Variants in GLRA2 observed in about 807,000 individuals in gnomAD.
The protein encoded by GLRA2 is glycine receptor alpha 2, also known as glycine receptor subunit alpha-2.
GLRA2 carries 11 observed loss-of-function variants against 31.6 expected under a neutral mutation model. That is an observed-to-expected ratio of 0.35 (90% CI 0.22 to 0.58). The LOEUF (loss-of-function observed/expected upper bound fraction) is 0.58, where lower values mean the gene tolerates loss of function less well. Ranked by LOEUF, GLRA2 falls within the 20% of genes least tolerant of loss-of-function variation. The probability of loss-of-function intolerance (pLI) is 0.84; values close to 1 mark genes in which losing one functional copy is unlikely to be tolerated. For synonymous variants in GLRA2, 132 were observed against 134.0 expected (o/e 0.99, Z 0.10); for missense variants, 212 against 351.8 (o/e 0.60, Z 3.18).
At position 14,581,366 on chromosome X, in the gene GLRA2, C is replaced by T. The variant is rs1569502066; in HGVS notation, c.454C>T (p.Leu152=). Residue 152 remains leucine, a synonymous_variant, in exon 4 of 9, where the codon CTA becomes TTA. Transcript: ENST00000218075. ...FHDVTTDNKL[L]RISKNGKVLY... ...CGATGTCACCACTGACAACAAATTG[C>T]TACGGATTTCGAAAAATGGCAAAGT... 1 of 1,201,143 alleles carries T rather than the reference C, an allele frequency of 8.3e-7. No homozygotes were observed. The highest frequency in any genetic ancestry group is 1.1e-6 in the Non-Finnish European group (1 of 885,860).
intron 4 of GLRA2, among the ~76,000 whole-genome samples, chrX:14,586,715 A>T (rs761954416): frequency 1.8e-5 from 2 of 112,128 alleles, no homozygotes; most frequent in East Asian, 5.6e-4. Context: ...TAATATTGTG[A>T]GTTGGAATAA....
the GLRA2 span, among the ~76,000 whole-genome samples, chrX:14,480,731 T>G: frequency 8.9e-6 from 1 of 111,882 alleles, no homozygotes; most frequent in East Asian, 2.8e-4. Context: ...TCTGTTTTTG[T>G]ACCAGTATCA....
At chrX:14,458,864 C>G in the GLRA2 span, among the ~76,000 whole-genome samples, 1 of 111,751 alleles carries the variant, frequency 8.9e-6, no homozygotes, top group Non-Finnish European at 1.9e-5. Flanking sequence ...TGTGCAGAAG[C>G]TCTTTAGTTT....
the GLRA2 span, among the ~76,000 whole-genome samples, chrX:14,507,097 A>G: frequency 8.9e-6 from 1 of 112,002 alleles, no homozygotes; most frequent in South Asian, 3.8e-4. Context: ...TACCTGACTC[A>G]TGCCCAACTA....
At chrX:14,509,473 C>T in the GLRA2 span, among the ~76,000 whole-genome samples, 51 of 112,508 alleles carry the variant, frequency 4.5e-4, no homozygotes, top group African/African-American at 1.6e-3. Flanking sequence ...TGCCCTGAGG[C>T]GTGGAAGACT....
At chrX:14,599,827 T>C (rs759231021) in intron 4 of GLRA2, among the ~76,000 whole-genome samples, 5 of 111,707 alleles carry the variant, frequency 4.5e-5, no homozygotes, top group African/African-American at 1.6e-4. Context: ...AAAAAATAAG[T>C]AGCGGGAAAA....
intron 7 of GLRA2, among the ~76,000 whole-genome samples, chrX:14,657,302 A>C (rs1305158644): frequency 8.9e-6 from 1 of 112,322 alleles, no homozygotes; most frequent in African/African-American, 3.2e-5. Flanking sequence ...TGTACTTTCC[A>C]ATATAGTAAT....
At chrX:14,492,142 T>TG in the GLRA2 span, among the ~76,000 whole-genome samples, 2 of 110,148 alleles carry the variant, frequency 1.8e-5, no homozygotes, top group Non-Finnish European at 3.8e-5. Flanking sequence ...CAAAATGGAT[T>TG]GAAAAAAAAA....
chrX:14,690,956 C>G, intron 8 of GLRA2, 97 bp downstream of exon 8: 1 of 945,227 alleles, frequency 1.1e-6, no homozygotes, highest in Non-Finnish European at 1.5e-6. Flanking sequence ...AGCAAGAAGC[C>G]AAGGTTAATT....
chrX:14,544,353 A>G (rs367744047), intron 2 of GLRA2, among the ~76,000 whole-genome samples: 10 of 111,856 alleles, frequency 8.9e-5, no homozygotes, highest in East Asian at 5.6e-4. Flanking sequence ...AATTAGAGAT[A>G]TTTCTTCAGC....
chrX:14,677,335 T>C (rs2091155120), intron 7 of GLRA2, among the ~76,000 whole-genome samples: 1 of 111,766 alleles, frequency 8.9e-6, no homozygotes, highest in Non-Finnish European at 1.9e-5. Flanking sequence ...CAAAAACTTG[T>C]CCTTGGTGGC....
At chrX:14,599,963 C>T (rs989931756) in intron 4 of GLRA2, among the ~76,000 whole-genome samples, 5 of 111,126 alleles carry the variant, frequency 4.5e-5, no homozygotes, top group African/African-American at 1.3e-4. Context: ...TAACAAACTG[C>T]GGAACTGTTA....
At chrX:14,590,897 C>T (rs901831211) in intron 4 of GLRA2, among the ~76,000 whole-genome samples, 4 of 111,668 alleles carry the variant, frequency 3.6e-5, no homozygotes, top group Non-Finnish European at 7.5e-5. Context: ...TTCCTAGAGG[C>T]GAGCAAGGTC....
the GLRA2 span, among the ~76,000 whole-genome samples, chrX:14,464,497 A>G: frequency 8.9e-6 from 1 of 112,037 alleles, no homozygotes; most frequent in African/African-American, 3.2e-5. Context: ...CTGTAGATAG[A>G]TGGATGAATT....
the GLRA2 span, among the ~76,000 whole-genome samples, chrX:14,450,878 T>C: frequency 9.0e-6 from 1 of 111,419 alleles, no homozygotes; most frequent in Non-Finnish European, 1.9e-5. Context: ...ACCCAGCTAA[T>C]TTTTGTATTT....
chrX:14,589,555 C>T (rs1195425897), intron 4 of GLRA2, among the ~76,000 whole-genome samples: 1 of 105,079 alleles, frequency 9.5e-6, no homozygotes. Flanking sequence ...CCTGTAGTCC[C>T]AGCTACTCAG....
intron 7 of GLRA2, among the ~76,000 whole-genome samples, chrX:14,633,685 CG>C (rs2090677628): frequency 9.0e-6 from 1 of 111,108 alleles, no homozygotes; most frequent in Non-Finnish European, 1.9e-5. Flanking sequence ...CATAGTTCTG[CG>C]TGGCTGGGGA....
the GLRA2 span, among the ~76,000 whole-genome samples, chrX:14,465,976 A>G: frequency 8.9e-6 from 1 of 112,210 alleles, no homozygotes; most frequent in African/African-American, 3.2e-5. Flanking sequence ...GTTTCAGATA[A>G]AAATGGGCTT....
At chrX:14,543,488 A>G (rs1486595744) in intron 2 of GLRA2, among the ~76,000 whole-genome samples, 1 of 111,058 alleles carries the variant, frequency 9.0e-6, no homozygotes, top group Non-Finnish European at 1.9e-5. Context: ...CCAGTATTTC[A>G]TTCAGAATTG....
Sources: allele counts gnomAD v4.1 joint callset (sites outside exome capture counted in the v4.1 genomes callset), GRCh38; gene constraint gnomAD v4.1.1; transcripts MANE v1.5; gene names NCBI Gene and HGNC (gene_info 2026-07-23, HGNC 2026-07-21).